Variants in RABL6 observed in about 807,000 individuals in gnomAD.
RABL6 encodes rab-like protein 6.
Under a neutral mutation model 72.9 loss-of-function variants are expected in RABL6, and 28 were observed. That is an observed-to-expected ratio of 0.38 (90% CI 0.28 to 0.53). The LOEUF is 0.53. Among genes scored for constraint, RABL6 ranks in the 20% least tolerant of loss-of-function variants. The pLI, the probability that RABL6 is intolerant of heterozygous loss-of-function variation, is 0.80. For missense variants in RABL6, 1,029 were observed against 1,008.4 expected, an observed-to-expected ratio of 1.02 and a Z score of -0.28; for synonymous variants, 477 against 421.2, an observed-to-expected ratio of 1.13 and a Z score of -1.62.
chr9:136,834,102 C>T, intron 7 of RABL6: 1 of 1,324,598 alleles, frequency 7.5e-7, no homozygotes, highest in Non-Finnish European at 9.7e-7. Flanking sequence ...ATGTCCTCGC[C>T]TGTCTCAGCA....
chr9:136,826,644 G>A lies in RABL6; in HGVS notation c.313+818G>A, dbSNP rs1198384305. The stretch of plus-strand genomic sequence containing the variant: ...CCTGCGGCTCCCACCACATTGCGCT[G>A]GACTCTTGTGGCCCGTGCTGACCTG... On this transcript the variant is annotated intron_variant, in intron 3 of 14. Coordinates refer to ENST00000311502, the MANE Select transcript of RABL6 (RefSeq NM_024718.5). The surrounding 1 kb of genome is among the most constrained non-coding windows in gnomAD (Gnocchi z 4.9). 6.6e-6 allele frequency: 1 copy of A among 152,330 alleles called. No homozygotes were observed. The highest frequency in any genetic ancestry group is 2.4e-5 in the African/African-American group (1 of 41,400). The allele number at this position is 152,330 out of a possible 1,614,324, so 9.4% of individuals were successfully genotyped here. A position where few individuals can be genotyped will look rare whatever the true frequency, so the allele number is the denominator to read the frequency against.
intron 7 of RABL6, chr9:136,834,264 T>C (rs1848542912): frequency 3.7e-6 from 4 of 1,093,148 alleles, no homozygotes; most frequent in Admixed American, 4.9e-5. Context: ...TAATACCGCA[T>C]GTTAAACTCA....
chr9:136,841,016 A>G lies in RABL6; in HGVS notation c.*494A>G. ...TAAAGGGCGGCCCAGGCCCCACGCT[A>G]GAAGGCTGGCGAGACCGAAGGCAGC... On this transcript the variant is annotated 3_prime_UTR_variant, in exon 15 of 15. Transcript: ENST00000311502. The G allele has an allele frequency of 2.1e-6, 3 of 1,436,058 alleles. No homozygotes were observed. The highest frequency in any genetic ancestry group is 2.7e-6 in the Non-Finnish European group (3 of 1,092,304). 89.0% of individuals were successfully genotyped at this position (1,436,058 alleles called of 1,614,324 possible). A position where few individuals can be genotyped will look rare whatever the true frequency, so the allele number is the denominator to read the frequency against.
intron 1 of RABL6, chr9:136,808,536 G>GAGGAGA: frequency 2.8e-6 from 1 of 353,032 alleles, no homozygotes; most frequent in Non-Finnish European, 4.6e-6. Flanking sequence ...CCCGAGCCGC[G>GAGGAGA]GGTCGTTTCC....
chr9:136,821,489 C>G (rs1371574028), intron 1 of RABL6: 1 of 985,278 alleles, frequency 1.0e-6, no homozygotes, highest in Non-Finnish European at 1.2e-6. Context: ...CCGCCGTTCT[C>G]TCGCGGGCCC....
At chr9:136,822,120 G>A (rs1848250660) in intron 1 of RABL6, 1 of 1,264,968 alleles carries the variant, frequency 7.9e-7, no homozygotes, top group African/African-American at 1.6e-5. Context: ...CACAGGGACA[G>A]CCCAGGGTCC....
At position 136,828,506 on chromosome 9, in the gene RABL6, A is replaced by G. The variant is rs1285211863; in HGVS notation, c.326A>G (p.Lys109Arg). 1.2e-6 allele frequency: 2 copies of G among 1,613,332 alleles called. No homozygotes were observed. The highest frequency in any genetic ancestry group is 8.5e-7 in the Non-Finnish European group (1 of 1,179,810). ...GTTTTTAAATAAGGAAAATGCAAAA[A>G]GCGAGGCGACGGCTTAAAGATGGAG... ...WDVVDKGKCKKRGDGLKMEND... is the reference protein window; with the variant it reads ...WDVVDKGKCKRRGDGLKMEND... The change falls in exon 4 of 15, where the codon AAG becomes AGG. Residue 109 changes from lysine to arginine, a missense_variant. By Grantham distance (26) the Lys-to-Arg change is conservative (BLOSUM62 2). Coordinates refer to ENST00000311502, the MANE Select transcript of RABL6 (RefSeq NM_024718.5).
At chr9:136,808,559 C>T (rs1847923721) in intron 1 of RABL6, 1 of 272,352 alleles carries the variant, frequency 3.7e-6, no homozygotes, top group Non-Finnish European at 6.6e-6. Context: ...GCCGCACTCG[C>T]CTGCCGCGTG....
At chr9:136,831,954 G>GT (rs932695571) in intron 6 of RABL6, 93 bp downstream of exon 6, 11 of 1,467,008 alleles carry the variant, frequency 7.5e-6, no homozygotes, top group African/African-American at 1.4e-5. Context: ...AGGGGTTAAC[G>GT]TTAGCATGGG....
At chr9:136,815,478 G>C (rs900002262) in intron 1 of RABL6, 1 of 267,476 alleles carries the variant, frequency 3.7e-6, no homozygotes, top group African/African-American at 2.3e-5. Flanking sequence ...TGCCTCCTTT[G>C]GGGGAGCAGC....
chr9:136,818,952 T>G (rs1021972739), intron 1 of RABL6, among the ~76,000 whole-genome samples: 12 of 152,180 alleles, frequency 7.9e-5, no homozygotes, highest in Non-Finnish European at 1.6e-4. Context: ...TGTTGAAAAC[T>G]TAAGGGTTCC....
intron 9 of RABL6, 57 bp from the exon 10 acceptor site, chr9:136,837,805 T>G: frequency 6.5e-7 from 1 of 1,542,338 alleles, no homozygotes; most frequent in South Asian, 1.2e-5. Context: ...GGCTTGGGGT[T>G]GGGTGCAGTG....
At chr9:136,840,281 C>T (rs749094819) in intron 14 of RABL6, 41 bp from the exon 15 acceptor site, 24 of 1,610,072 alleles carry the variant, frequency 1.5e-5, no homozygotes, top group Non-Finnish European at 2.0e-5. Context: ...AGGGCTGTGG[C>T]TTCCTGTGAC....
At chr9:136,838,793 G>A (rs1848630729) in intron 10 of RABL6, 116 bp from the exon 11 acceptor site, 1 of 903,760 alleles carries the variant, frequency 1.1e-6, no homozygotes, top group African/African-American at 1.7e-5. Flanking sequence ...ACCTGGGGTG[G>A]GGTGGCCCCA....
Position 136,840,460 on chromosome 9 carries a change from T to C in RABL6, c.2128T>C (p.Phe710Leu), listed in dbSNP as rs932919785. ...GACGGCTGCCGATGAGCTGGAGGCT[T>C]TCCTGGGGGGCGGGGCCCCGGGCGG... Reference protein sequence around the residue: ...ERTAADELEAFLGGGAPGGRH... With the variant: ...ERTAADELEALLGGGAPGGRH... Residue 710 changes from phenylalanine to leucine, a missense_variant, in exon 15 of 15, where the codon TTC (phenylalanine) becomes CTC (leucine). Coordinates refer to ENST00000311502, the MANE Select transcript of RABL6 (RefSeq NM_024718.5). The C allele has an allele frequency of 1.9e-5, 30 of 1,538,508 alleles. No individual in the cohort carries two copies. The highest frequency in any genetic ancestry group is 2.6e-5 in the Non-Finnish European group (30 of 1,142,644).
intron 6 of RABL6, 128 bp from the exon 7 acceptor site, chr9:136,832,137 G>C: frequency 1.0e-6 from 1 of 972,464 alleles, no homozygotes; most frequent in Non-Finnish European, 1.6e-6. Context: ...GCTCAGCAGG[G>C]TCCTGTGGCC....
chr9:136,828,689 G>A, intron 4 of RABL6, 143 bp downstream of exon 4: 1 of 814,860 alleles, frequency 1.2e-6, no homozygotes, highest in Middle Eastern at 3.7e-4. Flanking sequence ...CAACTGCTCT[G>A]AAAACCCCAC....
intron 7 of RABL6, among the ~76,000 whole-genome samples, chr9:136,834,994 GGCAAGTA>G (rs1443571261): frequency 7.3e-5 from 11 of 151,036 alleles, no homozygotes; most frequent in Non-Finnish European, 1.6e-4. Flanking sequence ...GGAGAGGCCA[GGCAAGTA>G]GCTCAGGCCT....
intron 2 of RABL6, among the ~76,000 whole-genome samples, chr9:136,824,274 C>G (rs905897105): frequency 1.3e-5 from 2 of 150,080 alleles, no homozygotes; most frequent in Non-Finnish European, 3.0e-5. Flanking sequence ...AGCAAAAAGC[C>G]TTGGGGCTGG....
Sources: allele counts gnomAD v4.1 joint callset (sites outside exome capture counted in the v4.1 genomes callset), GRCh38; gene constraint gnomAD v4.1.1; non-coding constraint Gnocchi (gnomAD v3.1); transcripts MANE v1.5; gene names NCBI Gene and HGNC (gene_info 2026-07-23, HGNC 2026-07-21).